Variants in PAK3 observed in about 807,000 individuals in gnomAD.
The protein encoded by PAK3 is p21 (RAC1) activated kinase 3.
In PAK3, 4 loss-of-function variants were observed where a neutral mutation model predicts 41.0. The observed-to-expected ratio is 0.10, with a 90% CI of 0.05 to 0.22. The LOEUF is 0.22. Among genes scored for constraint, PAK3 ranks in the 10% least tolerant of loss-of-function variants. The probability of loss-of-function intolerance (pLI) is 1.00; values close to 1 mark genes in which losing one functional copy is unlikely to be tolerated. For synonymous variants in PAK3, 146 were observed against 139.6 expected (o/e 1.05, Z -0.32); for missense variants, 205 against 409.9 (o/e 0.50, Z 4.32).
chrX:111,059,028 G>T (rs976994431), intron 1 of PAK3, among the ~76,000 whole-genome samples: 22 of 109,310 alleles, frequency 2.0e-4, no homozygotes, highest in Non-Finnish European at 4.0e-4. Flanking sequence ...CTGAAACTGG[G>T]AATTATGAGT....
intron 1 of PAK3, among the ~76,000 whole-genome samples, chrX:111,071,094 A>G (rs754049041): frequency 8.9e-6 from 1 of 112,378 alleles, no homozygotes; most frequent in African/African-American, 3.2e-5. Flanking sequence ...TATTGTTTCC[A>G]GTGATATTTC....
intron 6 of PAK3, chrX:111,146,552 G>GGAA: frequency 3.5e-6 from 4 of 1,146,725 alleles, no homozygotes; most frequent in Non-Finnish European, 4.7e-6. Context: ...ATGTGCCCAG[G>GGAA]GAAGCTCCCA....
intron 1 of PAK3, among the ~76,000 whole-genome samples, chrX:111,044,133 G>T (rs903200210): frequency 1.8e-5 from 2 of 112,068 alleles, no homozygotes; most frequent in African/African-American, 6.5e-5. Flanking sequence ...ATGCTTTGAA[G>T]TAGGCAGGTA....
intron 16 of PAK3, among the ~76,000 whole-genome samples, chrX:111,208,281 T>C (rs1343749484): frequency 8.9e-6 from 1 of 112,678 alleles, no homozygotes; most frequent in Non-Finnish European, 1.9e-5. Context: ...ATTTAAAAAC[T>C]TACAGCAAGC....
intron 1 of PAK3, among the ~76,000 whole-genome samples, chrX:110,963,907 T>C (rs888693630): frequency 1.3e-4 from 15 of 112,233 alleles, no homozygotes; most frequent in African/African-American, 4.9e-4. Flanking sequence ...CTTACTGCTT[T>C]AAGTTCCCAC....
intron 16 of PAK3, among the ~76,000 whole-genome samples, chrX:111,209,057 A>T: frequency 9.0e-6 from 1 of 110,837 alleles, no homozygotes; most frequent in Non-Finnish European, 1.9e-5. Context: ...GTAGAGAATG[A>T]TTGACCTCAA....
At chrX:111,055,922 C>A (rs2092601532) in intron 1 of PAK3, among the ~76,000 whole-genome samples, 1 of 111,683 alleles carries the variant, frequency 9.0e-6, no homozygotes, top group Non-Finnish European at 1.9e-5. Context: ...GCCTCACATT[C>A]ATCTCCTCCC....
At chrX:111,111,826 C>G (rs759611111) in intron 4 of PAK3, among the ~76,000 whole-genome samples, 1 of 111,704 alleles carries the variant, frequency 9.0e-6, no homozygotes, top group South Asian at 3.8e-4. Context: ...TATCTCTACC[C>G]TGATTTCCAT....
chrX:111,212,627 A>G (rs2094834319), intron 16 of PAK3, among the ~76,000 whole-genome samples: 1 of 112,052 alleles, frequency 8.9e-6, no homozygotes, highest in Non-Finnish European at 1.9e-5. Context: ...TAAAATGAAA[A>G]CAATAGTTGC....
chrX:110,975,652 C>A (rs1472998327), intron 1 of PAK3, among the ~76,000 whole-genome samples: 4 of 111,598 alleles, frequency 3.6e-5, no homozygotes, highest in Non-Finnish European at 7.5e-5. Flanking sequence ...ATGTTGCCAA[C>A]ACAATTCTAG....
At chrX:111,097,220 C>G (rs1222964837) in intron 1 of PAK3, among the ~76,000 whole-genome samples, 170 bp from the exon 2 acceptor site, 1 of 80,770 alleles carries the variant, frequency 1.2e-5, no homozygotes, top group Non-Finnish European at 2.2e-5. Context: ...TACTGCCGCA[C>G]TTTTGGGTGA....
At chrX:111,051,115 T>C (rs745621597) in intron 1 of PAK3, among the ~76,000 whole-genome samples, 57 of 111,150 alleles carry the variant, frequency 5.1e-4, no homozygotes, top group East Asian at 3.7e-3. Flanking sequence ...CAGTGGGCTG[T>C]TATATTCTGA....
intron 5 of PAK3, among the ~76,000 whole-genome samples, chrX:111,125,804 G>A: frequency 9.0e-6 from 1 of 111,345 alleles, no homozygotes; most frequent in Non-Finnish European, 1.9e-5. Flanking sequence ...AGACTATATT[G>A]GGAAGAAAGA....
chrX:111,049,458 T>C lies in PAK3; in HGVS notation c.-27-73619T>C, dbSNP rs141592828. Among the ~76,000 whole-genome samples, 36 of 111,990 alleles carry C rather than the reference T, an allele frequency of 3.2e-4. No individual in the cohort carries two copies. In the East Asian group the frequency reaches 8.7e-3, roughly 27 times the overall value. ...GTAGTAGACACACAATAAATATATA[T>C]TGAGTGAATGTGGCATAAATTAATT... On this transcript the variant is annotated intron_variant, in intron 1 of 14. Coordinates refer to the PAK3 transcript ENST00000425146.
At chrX:111,165,671 A>C (rs1309253358) in intron 10 of PAK3, among the ~76,000 whole-genome samples, 4 of 112,596 alleles carry the variant, frequency 3.6e-5, no homozygotes, top group African/African-American at 1.3e-4. Flanking sequence ...GCATATGTAG[A>C]CATGACCTAT....
At chrX:111,125,139 G>T (rs1301596914) in intron 5 of PAK3, among the ~76,000 whole-genome samples, 1 of 111,644 alleles carries the variant, frequency 9.0e-6, no homozygotes, top group East Asian at 2.8e-4. Flanking sequence ...GTTATTAATG[G>T]CATATCCTTA....
intron 1 of PAK3, among the ~76,000 whole-genome samples, chrX:111,071,832 CT>C (rs768403726): frequency 1.6e-4 from 18 of 111,971 alleles, no homozygotes; most frequent in Admixed American, 6.6e-4. Context: ...GATACTTTCT[CT>C]GAATTTTCCC....
intron 6 of PAK3, among the ~76,000 whole-genome samples, chrX:111,146,226 C>T (rs1252813208): frequency 8.9e-6 from 1 of 112,018 alleles, no homozygotes; most frequent in African/African-American, 3.2e-5. Flanking sequence ...AATAATTTCT[C>T]CAATCATTTA....
upstream of PAK3, among the ~76,000 whole-genome samples, chrX:111,091,849 C>A (rs1229400578): frequency 1.8e-5 from 2 of 112,052 alleles, no homozygotes; most frequent in Admixed American, 9.4e-5. Context: ...AGCTGCCAAA[C>A]CCCAGGTTCT....
Sources: allele counts gnomAD v4.1 joint callset (sites outside exome capture counted in the v4.1 genomes callset), GRCh38; gene constraint gnomAD v4.1.1; transcripts MANE v1.5; gene names NCBI Gene and HGNC (gene_info 2026-07-23, HGNC 2026-07-21).